The following VWF variants were observed in gnomAD, a reference collection of about 807,000 sequenced individuals.
The protein encoded by VWF is von Willebrand factor.
Under a neutral mutation model 308.6 loss-of-function variants are expected in VWF, and 176 were observed. The observed-to-expected ratio is 0.57, with a 90% CI of 0.50 to 0.65. The LOEUF is 0.65. Among genes scored for constraint, VWF ranks in the 30% least tolerant of loss-of-function variants. VWF has a pLI of 0.00. For synonymous variants in VWF, 1,385 were observed against 1,443.4 expected, an observed-to-expected ratio of 0.96 and a Z score of 0.92; for missense variants, 3,146 against 3,648.2, an observed-to-expected ratio of 0.86 and a Z score of 3.55.
At position 5,967,018 on chromosome 12, in the gene VWF, A is replaced by G. The variant is rs1460025144; in HGVS notation, c.7887+468T>C. Among the ~76,000 whole-genome samples, 3 of 152,230 alleles carry G rather than the reference A, an allele frequency of 2.0e-5. No individual in the cohort carries two copies. In the East Asian group the frequency reaches 5.8e-4, roughly 29 times the overall value. ...ATCGTCAGCATGGCCTGGCAAAAAC[A>G]GGGTGAAATATTTGAAACCATCCAA... On this transcript the variant is annotated intron_variant, in intron 47 of 51. Coordinates refer to ENST00000261405, the MANE Select transcript of VWF (RefSeq NM_000552.5).
In VWF at chr12:5,983,278, C is replaced by A; in HGVS notation, c.6977-24G>T. ...CACTGAGGGCCAGAAAGAGAGACGT[C>A]CATGCAGAGTTCAGAAAGGTTACTC... On this transcript the variant is annotated intron_variant, in intron 40 of 51. Transcript: ENST00000261405. The A allele has an allele frequency of 1.2e-6, 2 of 1,610,058 alleles. 1 individual carries two copies. Among genetic ancestry groups the A allele is most frequent in the South Asian group, 2.2e-5 (2 of 90,558 alleles).
intron 16 of VWF, among the ~76,000 whole-genome samples, chr12:6,050,981 G>A (rs1037436920): frequency 2.6e-5 from 4 of 151,442 alleles, no homozygotes; most frequent in African/African-American, 9.7e-5. Flanking sequence ...AAGTGAACAT[G>A]GATTGAATGT....
rs1565386731 is a variant in VWF at position 6,092,628 on chromosome 12, T to TGAGAGTGAGAGAGAGAGAGA, written c.657+2831_657+2832insTCTCTCTCTCTCTCACTCTC. On this transcript the variant is annotated intron_variant, in intron 6 of 51. Coordinates refer to ENST00000261405, the MANE Select transcript of VWF (RefSeq NM_000552.5). Reference sequence around the variant, plus strand: ...TAGTGAGTGAGTGAGAGTGTGTGTGTGTGTGTGTGTGTGTGTGTGTGTGTG... The same window carrying TGAGAGTGAGAGAGAGAGAGA: ...TAGTGAGTGAGTGAGAGTGTGTGTGTGAGAGTGAGAGAGAGAGAGAGTGTGTGTGTGTGTGTGTGTGTGTG... Among the ~76,000 whole-genome samples the TGAGAGTGAGAGAGAGAGAGA allele has an allele frequency of 8.1e-4, 65 of 80,242 alleles. 1 individual carries two copies. The highest frequency in any genetic ancestry group is 4.7e-3 in the African/African-American group (62 of 13,292). The allele number at this position is 80,242 out of a possible 152,430, so 52.6% of individuals were successfully genotyped here.
intron 16 of VWF, among the ~76,000 whole-genome samples, chr12:6,050,300 C>T (rs1211526684): frequency 2.0e-5 from 3 of 152,214 alleles, no homozygotes; most frequent in Admixed American, 1.3e-4. Flanking sequence ...TGGCTTCTGG[C>T]TTCCACTCTC....
intron 18 of VWF, among the ~76,000 whole-genome samples, chr12:6,041,525 T>C (rs572347364): frequency 2.6e-5 from 4 of 152,080 alleles, no homozygotes; most frequent in Admixed American, 6.5e-5. Flanking sequence ...CTCAGCTCAC[T>C]GCAACCTCCG....
chr12:6,084,387 GGA>G (rs1305766014), intron 6 of VWF, among the ~76,000 whole-genome samples: 1 of 152,194 alleles, frequency 6.6e-6, no homozygotes, highest in East Asian at 1.9e-4. Context: ...AGGAGCTGCG[GGA>G]GAGCAGCTGC....
chr12:6,052,536 C>T lies in VWF; in HGVS notation c.2186+7G>A. The stretch of plus-strand genomic sequence containing the variant: ...TAGAGGTCCCTGACACTGCTGCCTG[C>T]ACTTACCACATGGTGTGATGGTCTG... On this transcript the variant is annotated splice_region_variant and intron_variant, in intron 16 of 51. Transcript: ENST00000261405. 6.2e-7 allele frequency: 1 copy of T among 1,614,216 alleles called. No individual in the cohort carries two copies. Among genetic ancestry groups the T allele is most frequent in the Non-Finnish European group, 8.5e-7 (1 of 1,180,028 alleles).
intron 39 of VWF, 110 bp downstream of exon 39, chr12:5,985,453 T>C (rs1257447310): frequency 1.6e-5 from 19 of 1,218,128 alleles, no homozygotes; most frequent in Non-Finnish European, 2.0e-5. Context: ...TCTAGGACTC[T>C]AGGTGCCAGT....
chr12:6,046,573 C>T lies in VWF; in HGVS notation c.2281+150G>A, dbSNP rs1202741675. ...GGCCTGAAAGTCACTCACACAAACCCAGAAATGAAGGCGATCCTGGGCGAA... is the reference window on the plus strand; with the variant it reads ...GGCCTGAAAGTCACTCACACAAACCTAGAAATGAAGGCGATCCTGGGCGAA... On this transcript the variant is annotated intron_variant, in intron 17 of 51. Coordinates refer to ENST00000261405, the MANE Select transcript of VWF (RefSeq NM_000552.5). This position sits in a 1 kb window ranked among gnomAD's most constrained non-coding sequence, Gnocchi z 5.0. The T allele has an allele frequency of 1.3e-6, 1 of 757,990 alleles. No homozygotes were observed. Among genetic ancestry groups the T allele is most frequent in the Non-Finnish European group, 2.2e-6 (1 of 445,680 alleles). The allele number at this position is 757,990 out of a possible 1,614,324, so 47.0% of individuals were successfully genotyped here. A position where few individuals can be genotyped will look rare whatever the true frequency, so the allele number is the denominator to read the frequency against.
Position 5,993,888 on chromosome 12 carries a change from A to G in VWF, c.6572T>C (p.Val2191Ala), listed in dbSNP as rs753731128. The G allele has an allele frequency of 6.2e-6, 10 of 1,613,550 alleles. No individual in the cohort carries two copies. In the Admixed American group the frequency reaches 1.2e-4, roughly 19 times the overall value. The change falls in exon 37 of 52, where the codon GTT becomes GCT. Residue 2191 changes from valine (V) to alanine (A), a missense_variant. Around this residue, in one of 3 missense-constraint regions of VWF, gnomAD observed 989 missense variants for 1,117.4 expected, o/e 0.89. Coordinates refer to ENST00000261405, the MANE Select transcript of VWF (RefSeq NM_000552.5). The stretch of plus-strand genomic sequence containing the variant: ...ACAGAAATCAGGTGTCCTCCAGTCA[A>G]CGCAGACCCCGTTGGTCCGACAGAG... ...AHLCRTNGVC[V>A]DWRTPDFCAM...
Position 6,018,657 on chromosome 12 carries a change from G to A in VWF, c.4761C>T (p.Asp1587=), listed in dbSNP as rs985899093. 1.2e-6 allele frequency: 2 copies of A among 1,614,026 alleles called. No individual in the cohort carries two copies. ...NTGLALRYLS[D]HSFLVSQGDR... ...CACCCTGGCTGACCAAGAAGCTGTGGTCAGAGAGGTACCGCAGGGCCAGCC... is the reference window on the plus strand; with the variant it reads ...CACCCTGGCTGACCAAGAAGCTGTGATCAGAGAGGTACCGCAGGGCCAGCC... The change falls in exon 28 of 52, where the codon GAC becomes GAT. Residue 1587 remains aspartate, a synonymous_variant. Transcript: ENST00000261405.
rs574811308 is a variant in VWF at position 6,011,666 on chromosome 12, C to G, written c.5793G>C (p.Gln1931His). 1.4e-4 allele frequency: 220 copies of G among 1,613,612 alleles called. 5 individuals are homozygous for G. In the South Asian group the frequency reaches 2.3e-3, roughly 17 times the overall value. The change falls in exon 34 of 52, where the codon CAG becomes CAC. Residue 1931 changes from glutamine (Q) to histidine (H), a missense_variant. By Grantham distance (24) the Gln-to-His change is conservative (BLOSUM62 0). Around this residue, in one of 3 missense-constraint regions of VWF, gnomAD observed 853 missense variants for 1,177.8 expected, o/e 0.72. Coordinates refer to ENST00000261405, the MANE Select transcript of VWF (RefSeq NM_000552.5). Reference protein sequence around the residue: ...RGLRPSCPNSQSPVKVEETCG... With the variant: ...RGLRPSCPNSHSPVKVEETCG... ...AGGTCTCTTCCACTTTAACAGGGGACTGGCTGTTAGGGCACGAAGGCCTCA... is the reference window on the plus strand; with the variant it reads ...AGGTCTCTTCCACTTTAACAGGGGAGTGGCTGTTAGGGCACGAAGGCCTCA...
chr12:6,059,962 C>A (rs1944635252), intron 13 of VWF, among the ~76,000 whole-genome samples: 1 of 152,156 alleles, frequency 6.6e-6, no homozygotes, highest in Non-Finnish European at 1.5e-5. Flanking sequence ...TTTCTCTCTC[C>A]TTTCTCAGAG....
chr12:6,003,513 A>AG (rs961242239), intron 34 of VWF, among the ~76,000 whole-genome samples: 3 of 112,296 alleles, frequency 2.7e-5, no homozygotes, highest in Non-Finnish European at 6.1e-5. Flanking sequence ...GTTTCACTAC[A>AG]AAAAAAAAAA....
intron 3 of VWF, among the ~76,000 whole-genome samples, chr12:6,113,763 C>T (rs942049079): frequency 3.3e-5 from 5 of 152,330 alleles, no homozygotes; most frequent in African/African-American, 1.2e-4. Flanking sequence ...CTCCAGTTTG[C>T]ACCCTCTCCC....
chr12:6,012,895 G>A (rs1944014814), intron 32 of VWF, among the ~76,000 whole-genome samples: 2 of 151,902 alleles, frequency 1.3e-5, no homozygotes, highest in Non-Finnish European at 2.9e-5. Context: ...TAGAGACAGG[G>A]TTTCACTGTG....
intron 42 of VWF, among the ~76,000 whole-genome samples, chr12:5,976,639 A>G (rs1331046828): frequency 6.6e-6 from 1 of 151,940 alleles, no homozygotes; most frequent in Non-Finnish European, 1.5e-5. Flanking sequence ...TTGGACTTGG[A>G]GCCCATCCTC....
At chr12:6,086,543 C>G (rs1323648063) in intron 6 of VWF, among the ~76,000 whole-genome samples, 1 of 152,110 alleles carries the variant, frequency 6.6e-6, no homozygotes, top group Non-Finnish European at 1.5e-5. Context: ...ACCAAGCAAA[C>G]AAATGTAACA....
Position 6,023,636 on chromosome 12 carries a change from A to C in VWF, c.3374T>G (p.Leu1125Trp), listed in dbSNP as rs1184092848. 1 of 1,613,832 alleles carries C rather than the reference A, an allele frequency of 6.2e-7. No homozygotes were observed. Among genetic ancestry groups the C allele is most frequent in the East Asian group, 2.2e-5 (1 of 44,878 alleles). ...ATGAGGGCGTCAGTACTCACGGCAC[A>C]ATGTGGCCGTCCTCCAGGTCACCAC... ...GKVVTWRTATLCPQSCEERNL... is the reference protein window; with the variant it reads ...GKVVTWRTATWCPQSCEERNL... Residue 1125 changes from leucine (L) to tryptophan (W), a missense_variant, in exon 25 of 52, where the codon TTG becomes TGG. Physicochemically the swap from Leu to Trp is moderately conservative, Grantham distance 61. Around this residue, in one of 3 missense-constraint regions of VWF, gnomAD observed 853 missense variants for 1,177.8 expected, o/e 0.72. Coordinates refer to ENST00000261405, the MANE Select transcript of VWF (RefSeq NM_000552.5).
Sources: allele counts gnomAD v4.1 joint callset (sites outside exome capture counted in the v4.1 genomes callset), GRCh38; gene constraint gnomAD v4.1.1; regional missense constraint gnomAD v4.1.1; non-coding constraint Gnocchi (gnomAD v3.1); transcripts MANE v1.5; gene names NCBI Gene and HGNC (gene_info 2026-07-23, HGNC 2026-07-21).